Variants in PXDNL observed in about 807,000 individuals in gnomAD.
PXDNL encodes the protein peroxidasin like, also known as probable oxidoreductase PXDNL.
In PXDNL, 145 loss-of-function variants were observed where a neutral mutation model predicts 150.8. The observed-to-expected ratio is 0.96, with a 90% CI of 0.84 to 1.10. PXDNL has a LOEUF of 1.10. Among genes scored for constraint, PXDNL ranks in the 50% least tolerant of loss-of-function variants. PXDNL has a pLI of 0.00. For synonymous variants in PXDNL, 757 were observed against 725.7 expected (o/e 1.04, Z -0.69); for missense variants, 2,087 against 1,873.9 (o/e 1.11, Z -2.10).
chr8:51,563,418 A>G (rs888584466), intron 3 of PXDNL, among the ~76,000 whole-genome samples: 4 of 151,918 alleles, frequency 2.6e-5, no homozygotes, highest in African/African-American at 9.7e-5. Flanking sequence ...CTCCACACTC[A>G]TGACCTCACC....
rs1554557536 is a variant in PXDNL at position 51,608,054 on chromosome 8, A to AAAGAAAGAAAGAAAGCAAGC, written c.237-15357_237-15356insGCTTGCTTTCTTTCTTTCTT. Among the ~76,000 whole-genome samples the AAAGAAAGAAAGAAAGCAAGC allele has an allele frequency of 3.6e-4, 40 of 111,688 alleles. 1 individual carries two copies. The highest frequency in any genetic ancestry group is 5.2e-4 in the Admixed American group (6 of 11,638). 73.3% of individuals were successfully genotyped at this position (111,688 alleles called of 152,430 possible). On this transcript the variant is annotated intron_variant, in intron 2 of 22. Coordinates refer to ENST00000356297, the MANE Select transcript of PXDNL (RefSeq NM_144651.5). ...GAAAGAAAGAAAGAAAGAAAGAAAGAAAGCAAGCAAGCAAGCAAGCAAGCA... is the reference window on the plus strand; with the variant it reads ...GAAAGAAAGAAAGAAAGAAAGAAAGAAAGAAAGAAAGAAAGCAAGCAAGCAAGCAAGCAAGCAAGCAAGCA...
chr8:51,529,620 C>A (rs7013272), intron 4 of PXDNL, among the ~76,000 whole-genome samples: 11,021 of 152,168 alleles, frequency 0.072, 776 homozygotes, highest in East Asian at 0.23. Context: ...TCTCATCCAT[C>A]CTTTGAATTT....
At chr8:51,552,977 T>G (rs1179897920) in intron 4 of PXDNL, among the ~76,000 whole-genome samples, 2 of 152,174 alleles carry the variant, frequency 1.3e-5, no homozygotes, top group Non-Finnish European at 2.9e-5. Context: ...CAAAATGCAA[T>G]GTGGGACATA....
chr8:51,376,843 C>T (rs1355416782), intron 17 of PXDNL, among the ~76,000 whole-genome samples: 1 of 151,656 alleles, frequency 6.6e-6, no homozygotes, highest in Non-Finnish European at 1.5e-5. Flanking sequence ...CTCAGCCTCC[C>T]GAGTAGCTGG....
intron 2 of PXDNL, among the ~76,000 whole-genome samples, chr8:51,596,153 G>GT (rs1813560266): frequency 6.6e-6 from 1 of 152,014 alleles, no homozygotes; most frequent in Non-Finnish European, 1.5e-5. Context: ...TGTAGTATTT[G>GT]TTTTTTTGGT....
At chr8:51,702,264 T>C (rs938888224) in intron 1 of PXDNL, among the ~76,000 whole-genome samples, 1 of 152,160 alleles carries the variant, frequency 6.6e-6, no homozygotes, top group Non-Finnish European at 1.5e-5. Flanking sequence ...ACTTGTTTGC[T>C]AGTTGGCATC....
chr8:51,531,043 C>A (rs777916383), intron 4 of PXDNL, among the ~76,000 whole-genome samples: 1 of 151,660 alleles, frequency 6.6e-6, no homozygotes, highest in African/African-American at 2.4e-5. Context: ...AGTCCAAATA[C>A]GGAAAGTTAC....
intron 8 of PXDNL, among the ~76,000 whole-genome samples, chr8:51,465,292 T>TA (rs1181834715): frequency 6.6e-6 from 1 of 151,912 alleles, no homozygotes; most frequent in Non-Finnish European, 1.5e-5. Context: ...AACAGAATTT[T>TA]AAAAAATTAT....
intron 19 of PXDNL, among the ~76,000 whole-genome samples, chr8:51,371,228 A>G (rs551744546): frequency 6.6e-6 from 1 of 152,308 alleles, no homozygotes; most frequent in African/African-American, 2.4e-5. Flanking sequence ...CCACTTACTC[A>G]TCTTTGGACT....
intron 1 of PXDNL, among the ~76,000 whole-genome samples, chr8:51,766,585 G>C (rs2037234162): frequency 6.6e-6 from 1 of 152,046 alleles, no homozygotes; most frequent in Non-Finnish European, 1.5e-5. Flanking sequence ...TTCACTTTTG[G>C]AGGATAACTT....
intron 17 of PXDNL, 31 bp from the exon 18 acceptor site, chr8:51,374,762 C>T (rs368139401): frequency 1.8e-5 from 29 of 1,603,942 alleles, no homozygotes; most frequent in Admixed American, 1.5e-4. Flanking sequence ...CAGCGCACAC[C>T]TGAGACTGAA....
intron 4 of PXDNL, among the ~76,000 whole-genome samples, chr8:51,546,739 C>T (rs1157427623): frequency 6.6e-6 from 1 of 152,178 alleles, no homozygotes; most frequent in Non-Finnish European, 1.5e-5. Context: ...AGTCAGGAAG[C>T]TTGTAGCCTG....
chr8:51,577,996 A>AGG (rs1358111940), intron 3 of PXDNL, among the ~76,000 whole-genome samples: 216 of 45,260 alleles, frequency 4.8e-3, no homozygotes, highest in Middle Eastern at 0.014. Flanking sequence ...AGAAAGAAAG[A>AGG]AAGAGGAAGG....
intron 9 of PXDNL, among the ~76,000 whole-genome samples, chr8:51,455,573 C>T (rs957414108): frequency 6.6e-6 from 1 of 151,876 alleles, no homozygotes; most frequent in Non-Finnish European, 1.5e-5. Flanking sequence ...GGGAGGACAG[C>T]GCTATAAGGA....
At chr8:51,400,735 G>T (rs1245075630) in intron 17 of PXDNL, among the ~76,000 whole-genome samples, 1 of 152,114 alleles carries the variant, frequency 6.6e-6, no homozygotes, top group Non-Finnish European at 1.5e-5. Context: ...TTTTGAAATT[G>T]GGGTTAAGGT....
intron 19 of PXDNL, among the ~76,000 whole-genome samples, chr8:51,356,662 T>C (rs1237661703): frequency 6.6e-6 from 1 of 152,198 alleles, no homozygotes; most frequent in Non-Finnish European, 1.5e-5. Context: ...TAAAATAAGA[T>C]TCTTGGCTTT....
chr8:51,515,748 T>C (rs1811520995), intron 4 of PXDNL, among the ~76,000 whole-genome samples: 1 of 152,186 alleles, frequency 6.6e-6, no homozygotes, highest in Admixed American at 6.5e-5. Flanking sequence ...GAAATAACAA[T>C]CTTTTGGAAG....
At chr8:51,488,996 T>C (rs1350002679) in intron 5 of PXDNL, among the ~76,000 whole-genome samples, 1 of 152,162 alleles carries the variant, frequency 6.6e-6, no homozygotes, top group African/African-American at 2.4e-5. Flanking sequence ...GAAAGATCTC[T>C]TAGGAATTAA....
At chr8:51,586,013 G>A (rs1159474282) in intron 3 of PXDNL, among the ~76,000 whole-genome samples, 3 of 152,112 alleles carry the variant, frequency 2.0e-5, no homozygotes, top group Admixed American at 6.6e-5. Context: ...ATGTGACAGA[G>A]TGCAGAAATG....
Sources: gnomAD v4.1 joint callset for allele counts (sites outside exome capture counted in the v4.1 genomes callset) on GRCh38, gnomAD v4.1.1 for gene constraint, MANE v1.5 for transcripts, NCBI Gene and HGNC (gene_info 2026-07-23, HGNC 2026-07-21) for gene names.